ZNF660: variants seen among roughly 807,000 people sequenced by gnomAD.
The protein encoded by ZNF660 is zinc finger protein 660.
Under a neutral mutation model 23.2 loss-of-function variants are expected in ZNF660, and 24 were observed. The ratio of observed to expected loss-of-function variants is 1.04; its 90% CI spans 0.75 to 1.46. ZNF660 has a LOEUF of 1.46. ZNF660 is among the 40% of genes most tolerant of loss of function. The probability of loss-of-function intolerance (pLI) is 0.00; values close to 1 mark genes in which losing one functional copy is unlikely to be tolerated. For synonymous variants in ZNF660, 117 were observed against 131.4 expected, an observed-to-expected ratio of 0.89 and a Z score of 0.75; for missense variants, 373 against 396.8, an observed-to-expected ratio of 0.94 and a Z score of 0.51.
rs1700543581 is a variant in ZNF660, at chr3:44,594,538, C to T, written c.345C>T (p.Phe115=). The T allele has an allele frequency of 1.2e-6, 2 of 1,614,118 alleles. No homozygotes were observed. Among genetic ancestry groups the T allele is most frequent in the Non-Finnish European group, 1.7e-6 (2 of 1,180,032 alleles). The change falls in exon 3 of 3, where the codon TTC becomes TTT. Residue 115 remains phenylalanine, a synonymous_variant. Transcript: ENST00000322734. The part of the protein sequence containing the change: ...PYTCSECGKS[F]SGKSHLIRHQ... Reference sequence around the variant, plus strand: ...CATGCAGTGAATGTGGGAAATCTTTCAGTGGAAAGTCACATCTTATTCGGC... The same window carrying T: ...CATGCAGTGAATGTGGGAAATCTTTTAGTGGAAAGTCACATCTTATTCGGC...
chr3:44,591,783 T>G (rs540338790), intron 2 of ZNF660, among the ~76,000 whole-genome samples: 1 of 152,290 alleles, frequency 6.6e-6, no homozygotes, highest in Non-Finnish European at 1.5e-5. Flanking sequence ...TCACCTGAGG[T>G]CAGGAGTTCA....
intron 2 of ZNF660, among the ~76,000 whole-genome samples, chr3:44,587,515 A>C (rs1700266656): frequency 6.6e-6 from 1 of 152,170 alleles, no homozygotes; most frequent in Non-Finnish European, 1.5e-5. Context: ...CCAAGACCCT[A>C]CTTCCTTAGT....
chr3:44,594,397 T>A lies in ZNF660; in HGVS notation c.204T>A (p.His68Gln), dbSNP rs755309796. 1 of 1,613,844 alleles carries A rather than the reference T, an allele frequency of 6.2e-7. No homozygotes were observed. The highest frequency in any genetic ancestry group is 1.3e-5 in the African/African-American group (1 of 74,840). Residue 68 changes from histidine to glutamine, a missense_variant, in exon 3 of 3, where the codon CAT becomes CAA. Transcript: ENST00000322734. ...AFSQSANLTV[H>Q]ERIHTGEKPY... ...GTCAGAGTGCAAACCTCACAGTACATGAGCGAATCCACACGGGAGAGAAAC... is the reference window on the plus strand; with the variant it reads ...GTCAGAGTGCAAACCTCACAGTACAAGAGCGAATCCACACGGGAGAGAAAC...
chr3:44,591,400 A>T (rs972005989), intron 2 of ZNF660, among the ~76,000 whole-genome samples: 7 of 152,160 alleles, frequency 4.6e-5, no homozygotes, highest in African/African-American at 1.7e-4. Flanking sequence ...AAGTGCTGAG[A>T]TTATAGACAT....
chr3:44,590,385 C>T (rs189787420), intron 2 of ZNF660, among the ~76,000 whole-genome samples: 2 of 152,210 alleles, frequency 1.3e-5, no homozygotes, highest in Admixed American at 1.3e-4. Context: ...TTCTCATAGC[C>T]TTTATGTGTA....
chr3:44,592,260 G>A (rs1007313868), intron 2 of ZNF660, among the ~76,000 whole-genome samples: 1 of 152,128 alleles, frequency 6.6e-6, no homozygotes, highest in Non-Finnish European at 1.5e-5. Context: ...AAAACATGTT[G>A]TATGCCATAA....
chr3:44,591,101 T>C (rs1700408388), intron 2 of ZNF660, among the ~76,000 whole-genome samples: 1 of 152,214 alleles, frequency 6.6e-6, no homozygotes. Flanking sequence ...TGGCTCCATT[T>C]ATCAGAAAGC....
At position 44,599,678 on chromosome 3, in the gene ZNF660, T is replaced by A. The variant is rs1270262557; in HGVS notation, c.*4489T>A. ...GTAGTGATAATTCCTTCAATAAACGTCTGCTATTCTTATAAATATCACTTT... is the reference window on the plus strand; with the variant it reads ...GTAGTGATAATTCCTTCAATAAACGACTGCTATTCTTATAAATATCACTTT... On this transcript the variant is annotated 3_prime_UTR_variant, in exon 3 of 3. Transcript: ENST00000322734. 2 of 152,234 alleles carry A rather than the reference T, an allele frequency of 1.3e-5. No individual in the cohort carries two copies. The highest frequency in any genetic ancestry group is 2.4e-5 in the African/African-American group (1 of 41,448). 9.4% of individuals were successfully genotyped at this position (152,234 alleles called of 1,614,324 possible). A position where few individuals can be genotyped will look rare whatever the true frequency, so the allele number is the denominator to read the frequency against.
At chr3:44,592,996 T>C (rs2125751504) in intron 2 of ZNF660, among the ~76,000 whole-genome samples, 1 of 150,628 alleles carries the variant, frequency 6.6e-6, no homozygotes, top group Middle Eastern at 3.4e-3. Flanking sequence ...GAGCTTGCAG[T>C]GAGCCGAGAT....
In ZNF660 at chr3:44,594,607, G is replaced by T; in HGVS notation, c.414G>T (p.Glu138Asp). 1 of 1,614,160 alleles carries T rather than the reference G, an allele frequency of 6.2e-7. No homozygotes were observed. Among genetic ancestry groups the T allele is most frequent in the Non-Finnish European group, 8.5e-7 (1 of 1,180,024 alleles). The change falls in exon 3 of 3, where the codon GAG (glutamate) becomes GAT (aspartate). Residue 138 changes from glutamate to aspartate, a missense_variant. By Grantham distance (45) the Glu-to-Asp change is conservative. Coordinates refer to ENST00000322734, the MANE Select transcript of ZNF660 (RefSeq NM_173658.4). ...HSGEKTYECK[E>D]CGKAFSRSSG... ...GGGAGAAAACTTATGAATGTAAAGA[G>T]TGTGGGAAAGCCTTTAGTCGGAGTT...
At position 44,594,921 on chromosome 3, in the gene ZNF660, A is replaced by G; in HGVS notation, c.728A>G (p.Glu243Gly). 6.2e-7 allele frequency: 1 copy of G among 1,614,136 alleles called. No homozygotes were observed. The highest frequency in any genetic ancestry group is 8.5e-7 in the Non-Finnish European group (1 of 1,180,040). ...GAACACCAGAGACTTCATCGTAGAG[A>G]GAAACCTTACAAATGTAATGAGTGT... Reference protein sequence around the residue: ...LNEHQRLHRREKPYKCNECGK... With the variant: ...LNEHQRLHRRGKPYKCNECGK... The change falls in exon 3 of 3, where the codon GAG becomes GGG. Residue 243 changes from glutamate to glycine, a missense_variant. Transcript: ENST00000322734.
At position 44,594,148 on chromosome 3, in the gene ZNF660, A is replaced by T; in HGVS notation, c.-46A>T. 6.2e-7 allele frequency: 1 copy of T among 1,610,948 alleles called. No homozygotes were observed. The highest frequency in any genetic ancestry group is 8.5e-7 in the Non-Finnish European group (1 of 1,178,548). On this transcript the variant is annotated 5_prime_UTR_variant, in exon 3 of 3. Coordinates refer to ENST00000322734, the MANE Select transcript of ZNF660 (RefSeq NM_173658.4). ...AAATTTAGAAGGCTCCTCTGAAGGG[A>T]AAGAGAAGACTAGAGAGGACACTGG...
rs1700220263 is a variant in ZNF660, at chr3:44,586,140, C to T, written c.-254C>T. The T allele has an allele frequency of 6.6e-6, 1 of 152,184 alleles. No homozygotes were observed. The highest frequency in any genetic ancestry group is 1.5e-5 in the Non-Finnish European group (1 of 68,044). The allele number at this position is 152,184 out of a possible 1,614,324, so 9.4% of individuals were successfully genotyped here. A position where few individuals can be genotyped will look rare whatever the true frequency, so the allele number is the denominator to read the frequency against. ...CCCTCTTAGGAACTTCTTCACTGAA[C>T]TCAAGGAGGAGATCAGGCAAGATCT... On this transcript the variant is annotated 5_prime_UTR_variant, in exon 2 of 3. Coordinates refer to ENST00000322734, the MANE Select transcript of ZNF660 (RefSeq NM_173658.4).
chr3:44,585,551 T>A (rs576460778), intron 1 of ZNF660, among the ~76,000 whole-genome samples: 28 of 152,240 alleles, frequency 1.8e-4, no homozygotes, highest in African/African-American at 6.5e-4. Context: ...TGAAACAAAC[T>A]TCAAGGGTTA....
At chr3:44,587,266 C>T (rs1298191819) in intron 2 of ZNF660, 1 of 152,154 alleles carries the variant, frequency 6.6e-6, no homozygotes, top group African/African-American at 2.4e-5. Context: ...GCCTCTCTCT[C>T]TCTCTCTCAA....
At chr3:44,587,930 C>A (rs1189931592) in intron 2 of ZNF660, among the ~76,000 whole-genome samples, 1 of 152,192 alleles carries the variant, frequency 6.6e-6, no homozygotes, top group Non-Finnish European at 1.5e-5. Flanking sequence ...TGGCACATGC[C>A]TGTAATCCCA....
rs543351349 is a variant in ZNF660 at position 44,589,125 on chromosome 3, G to A, written c.-181+2912G>A. ...CAAACGTTTATTGGGTACCTACAAC[G>A]TGCCAGACCCTCCAGTGTTCACCTG... On this transcript the variant is annotated intron_variant, in intron 2 of 2. Coordinates refer to ENST00000322734, the MANE Select transcript of ZNF660 (RefSeq NM_173658.4). 3.1e-4 allele frequency among the ~76,000 whole-genome samples: 47 copies of A among 152,108 alleles called. 1 individual carries two copies. Among genetic ancestry groups the A allele is most frequent in the Admixed American group, 1.8e-3 (27 of 15,268 alleles).
rs767327818 is a variant in ZNF660 at position 44,598,137 on chromosome 3, CTTTTCTT to C, written c.*2953_*2959del. 9.9e-3 allele frequency: 1,263 copies of C among 128,186 alleles called. 14 individuals are homozygous for C. Among genetic ancestry groups the C allele is most frequent in the African/African-American group, 0.033 (1,154 of 34,666 alleles). 7.9% of individuals were successfully genotyped at this position (128,186 alleles called of 1,614,324 possible). A position where few individuals can be genotyped will look rare whatever the true frequency, so the allele number is the denominator to read the frequency against. On this transcript the variant is annotated 3_prime_UTR_variant, in exon 3 of 3. Coordinates refer to ENST00000322734, the MANE Select transcript of ZNF660 (RefSeq NM_173658.4). Reference sequence around the variant, plus strand: ...GCTTTCTTTTTCTTTCTTTTCTTTTCTTTTCTTTTTTTTTTTTTTTTGAGATGGAATC... The same window carrying C: ...GCTTTCTTTTTCTTTCTTTTCTTTTCTTTTTTTTTTTTTTGAGATGGAATC...
chr3:44,594,948 G>C lies in ZNF660; in HGVS notation c.755G>C (p.Gly252Ala), dbSNP rs1398048344. The C allele has an allele frequency of 1.2e-6, 2 of 1,613,910 alleles. No individual in the cohort carries two copies. Among genetic ancestry groups the C allele is most frequent in the Non-Finnish European group, 8.5e-7 (1 of 1,180,020 alleles). ...AAACCTTACAAATGTAATGAGTGTG[G>C]GAAGGCTTTTACTTCTAATCGAAAC... is the stretch of plus-strand genomic sequence containing the variant. Reference protein sequence around the residue: ...REKPYKCNECGKAFTSNRNLV... With the variant: ...REKPYKCNECAKAFTSNRNLV... The change falls in exon 3 of 3, where the codon GGG becomes GCG. Residue 252 changes from glycine to alanine, a missense_variant. Gly to Ala is a moderately conservative substitution (Grantham distance 60, BLOSUM62 0). Coordinates refer to ENST00000322734, the MANE Select transcript of ZNF660 (RefSeq NM_173658.4).
Sources: allele counts gnomAD v4.1 joint callset (sites outside exome capture counted in the v4.1 genomes callset), GRCh38; gene constraint gnomAD v4.1.1; transcripts MANE v1.5; gene names NCBI Gene and HGNC (gene_info 2026-07-23, HGNC 2026-07-21).